Variants in GPM6A observed in about 807,000 individuals in gnomAD.
GPM6A encodes neuronal membrane glycoprotein M6-a.
In GPM6A, 7 loss-of-function variants were observed where a neutral mutation model predicts 32.1. The observed-to-expected ratio is 0.22, with a 90% CI of 0.12 to 0.41. The LOEUF (loss-of-function observed/expected upper bound fraction) is 0.41. Among genes scored for constraint, GPM6A ranks in the 10% least tolerant of loss-of-function variants. The pLI is 1.00. For synonymous variants in GPM6A, 130 were observed against 123.4 expected, an observed-to-expected ratio of 1.05 and a Z score of -0.35; for missense variants, 235 against 347.2, an observed-to-expected ratio of 0.68 and a Z score of 2.57.
At chr4:175,941,345 AT>A (rs1739398986) in intron 1 of GPM6A, among the ~76,000 whole-genome samples, 3 of 152,172 alleles carry the variant, frequency 2.0e-5, no homozygotes, top group African/African-American at 4.8e-5. Context: ...TTTAAAAAAA[AT>A]TTATTAGTTA....
At position 175,812,254 on chromosome 4, in the gene GPM6A, T is replaced by C. The variant is rs746657097; in HGVS notation, c.-27A>G. The C allele has an allele frequency of 4.0e-6, 6 of 1,498,848 alleles. No homozygotes were observed. Among genetic ancestry groups the C allele is most frequent in the Non-Finnish European group, 5.4e-6 (6 of 1,119,662 alleles). The allele number at this position is 1,498,848 out of a possible 1,614,324, so 92.8% of individuals were successfully genotyped here. A position where few individuals can be genotyped will look rare whatever the true frequency, so the allele number is the denominator to read the frequency against. ...GCTACCTTTCTTCAGTAGAATCTGG[T>C]ACACGGAATTAATCAAAAGCTCAAT... On this transcript the variant is annotated 5_prime_UTR_variant, in exon 1 of 7. Transcript: ENST00000393658.
At chr4:175,927,572 A>T (rs1424081416) in intron 1 of GPM6A, among the ~76,000 whole-genome samples, 2 of 152,198 alleles carry the variant, frequency 1.3e-5, no homozygotes, top group African/African-American at 2.4e-5. Flanking sequence ...TCTACTTAAT[A>T]GAGTACTGGT....
chr4:175,774,491 A>G (rs1257041070), intron 1 of GPM6A, among the ~76,000 whole-genome samples: 1 of 152,078 alleles, frequency 6.6e-6, no homozygotes, highest in African/African-American at 2.4e-5. Context: ...AAATAATAAA[A>G]CAATCAAACT....
At chr4:175,649,523 C>A (rs2110912505) in intron 4 of GPM6A, among the ~76,000 whole-genome samples, 1 of 152,104 alleles carries the variant, frequency 6.6e-6, no homozygotes, top group South Asian at 2.1e-4. Flanking sequence ...TTGATAATAC[C>A]AAAGACCTTA....
chr4:175,674,701 A>ATT (rs1743266902), intron 2 of GPM6A, among the ~76,000 whole-genome samples: 1 of 152,182 alleles, frequency 6.6e-6, no homozygotes. Flanking sequence ...CATCATACAC[A>ATT]TCATGTGTAT....
rs141567268 is a variant in GPM6A, at chr4:175,732,613, C to T, written c.38-30846G>A. Among the ~76,000 whole-genome samples, 925 of 152,158 alleles carry T rather than the reference C, an allele frequency of 6.1e-3. 7 individuals are homozygous for T. Among genetic ancestry groups the T allele is most frequent in the Middle Eastern group, 0.02 (6 of 294 alleles). On this transcript the variant is annotated intron_variant, in intron 1 of 6. Transcript: ENST00000393658. ...AGATTTCATCTTATGTCTTTAAAAA[C>T]GTACAAATAATGAGAATTCTTTGAG... is the stretch of plus-strand genomic sequence containing the variant.
At chr4:175,900,556 C>A (rs1737931795) in intron 1 of GPM6A, among the ~76,000 whole-genome samples, 1 of 149,474 alleles carries the variant, frequency 6.7e-6, no homozygotes, top group Admixed American at 6.7e-5. Flanking sequence ...AAATGCAAAT[C>A]AAAACTGCAA....
rs115879218 is a variant in GPM6A at position 175,811,500 on chromosome 4, A to C, written c.37+691T>G. On this transcript the variant is annotated intron_variant, in intron 1 of 6. Transcript: ENST00000393658. ...TGACCATTTCAACCTTCAAAAATGG[A>C]AATTTCACTTTAACTCATACAGCCA... Among the ~76,000 whole-genome samples the C allele has an allele frequency of 2.1e-3, 324 of 152,310 alleles. 2 individuals are homozygous for C. Among genetic ancestry groups the C allele is most frequent in the African/African-American group, 7.3e-3 (303 of 41,560 alleles).
chr4:175,783,856 T>A (rs1031967969), intron 1 of GPM6A, among the ~76,000 whole-genome samples: 1 of 152,036 alleles, frequency 6.6e-6, no homozygotes, highest in Non-Finnish European at 1.5e-5. Flanking sequence ...TCTATTTGCA[T>A]AGCCTCAGAG....
chr4:175,708,535 G>A (rs1300483135), intron 1 of GPM6A, among the ~76,000 whole-genome samples: 6 of 151,860 alleles, frequency 4.0e-5, no homozygotes, highest in African/African-American at 7.3e-5. Context: ...ACAGCTGCCC[G>A]CCACCACACC....
At chr4:175,935,131 G>A (rs756424996) in intron 1 of GPM6A, among the ~76,000 whole-genome samples, 5 of 152,146 alleles carry the variant, frequency 3.3e-5, no homozygotes, top group Admixed American at 6.5e-5. Context: ...TTGCACTTTA[G>A]AGCACAGTAA....
At chr4:175,700,128 G>A (rs183527904) in intron 2 of GPM6A, among the ~76,000 whole-genome samples, 98 of 152,084 alleles carry the variant, frequency 6.4e-4, no homozygotes, top group African/African-American at 2.2e-3. Context: ...CTCCCAAAGT[G>A]CTGGGATTAC....
chr4:175,997,888 T>C (rs969666822), intron 1 of GPM6A, among the ~76,000 whole-genome samples: 4 of 152,204 alleles, frequency 2.6e-5, no homozygotes, highest in Non-Finnish European at 5.9e-5. Context: ...ACTGTTCTTA[T>C]GTTGGGGCAT....
At chr4:175,683,929 T>TCAAGCAATTCTCCTGTCTC (rs1458014098) in intron 2 of GPM6A, among the ~76,000 whole-genome samples, 1 of 152,036 alleles carries the variant, frequency 6.6e-6, no homozygotes, top group Non-Finnish European at 1.5e-5. Flanking sequence ...CCTCCTGGGT[T>TCAAGCAATTCTCCTGTCTC]CAAGCAATTC....
At chr4:175,756,927 A>C (rs1278575531) in intron 1 of GPM6A, among the ~76,000 whole-genome samples, 1 of 152,076 alleles carries the variant, frequency 6.6e-6, no homozygotes, top group Non-Finnish European at 1.5e-5. Context: ...CTTATGAAGA[A>C]AGAGGAGCTA....
chr4:175,752,391 C>G (rs187155349), intron 1 of GPM6A, among the ~76,000 whole-genome samples: 1 of 152,034 alleles, frequency 6.6e-6, no homozygotes, highest in African/African-American at 2.4e-5. Flanking sequence ...TCTGCAAGGC[C>G]GAGCCTTTTT....
chr4:175,954,313 T>C (rs1461086879), intron 1 of GPM6A, among the ~76,000 whole-genome samples: 2 of 152,238 alleles, frequency 1.3e-5, no homozygotes, highest in Non-Finnish European at 2.9e-5. Flanking sequence ...CCATGAGTTC[T>C]ACTGGACAGC....
At chr4:175,974,966 G>A (rs1740616461) in intron 1 of GPM6A, among the ~76,000 whole-genome samples, 2 of 152,160 alleles carry the variant, frequency 1.3e-5, no homozygotes, top group Non-Finnish European at 2.9e-5. Context: ...TTACAGGCAT[G>A]AGCCACCGCA....
chr4:175,693,517 C>T (rs57693164), intron 2 of GPM6A, among the ~76,000 whole-genome samples: 2 of 151,962 alleles, frequency 1.3e-5, no homozygotes, highest in East Asian at 3.9e-4. Context: ...TACCATCCTT[C>T]CCTAAACACT....
Sources: allele counts gnomAD v4.1 joint callset (sites outside exome capture counted in the v4.1 genomes callset), GRCh38; gene constraint gnomAD v4.1.1; transcripts MANE v1.5; gene names NCBI Gene and HGNC (gene_info 2026-07-23, HGNC 2026-07-21).